The following NAV2 variants were observed in gnomAD, a reference collection of about 807,000 sequenced individuals.
NAV2 encodes neuron navigator 2.
In NAV2, 54 loss-of-function variants were observed where a neutral mutation model predicts 223.2. That is an observed-to-expected ratio of 0.24 (90% confidence interval 0.19 to 0.30). NAV2 has a LOEUF of 0.30. Ranked by LOEUF, NAV2 falls within the 10% of genes least tolerant of loss-of-function variation. NAV2 has a pLI of 1.00. For missense variants in NAV2, 2,806 were observed against 3,147.5 expected (o/e 0.89, Z 2.60); for synonymous variants, 1,279 against 1,239.3 (o/e 1.03, Z -0.67).
Position 19,832,471 on chromosome 11 carries a change from G to GC in NAV2, c.268-12dup. 1 of 1,595,856 alleles carries GC rather than the reference G, an allele frequency of 6.3e-7. No individual in the cohort carries two copies. Among genetic ancestry groups the GC allele is most frequent in the Middle Eastern group, 1.7e-4 (1 of 5,956 alleles). On this transcript the variant is annotated splice_polypyrimidine_tract_variant and intron_variant, in intron 1 of 37. Coordinates refer to ENST00000349880, the MANE Select transcript of NAV2 (RefSeq NM_145117.5). ...ACTGGCTTCCTAAAGTTGCCTGTTT[G>GC]CTTTTTTTACAGATCTACACAGACT... is the stretch of plus-strand genomic sequence containing the variant.
At chr11:19,531,438 C>G (rs2044025677) in intron 1 of NAV2, among the ~76,000 whole-genome samples, 1 of 152,232 alleles carries the variant, frequency 6.6e-6, no homozygotes, top group South Asian at 2.1e-4. Flanking sequence ...AGGTAAGAAA[C>G]AAGAAGTTCT....
intron 1 of NAV2, among the ~76,000 whole-genome samples, chr11:19,403,559 G>A (rs1271001998): frequency 6.6e-6 from 1 of 152,170 alleles, no homozygotes. Context: ...CACGATGTGG[G>A]GATCAGCAGA....
intron 20 of NAV2, among the ~76,000 whole-genome samples, chr11:20,066,430 AT>A (rs2059046320): frequency 1.3e-5 from 2 of 152,240 alleles, no homozygotes; most frequent in East Asian, 3.8e-4. Context: ...TATACAAGAC[AT>A]TTAACGTCTC....
At chr11:20,064,997 A>G (rs890311085) in intron 20 of NAV2, among the ~76,000 whole-genome samples, 2 of 152,156 alleles carry the variant, frequency 1.3e-5, no homozygotes, top group African/African-American at 4.8e-5. Flanking sequence ...TGTCCTCAGT[A>G]TGCCTTCTCT....
intron 1 of NAV2, among the ~76,000 whole-genome samples, chr11:19,644,135 G>C (rs2047750203): frequency 6.6e-6 from 1 of 152,228 alleles, no homozygotes; most frequent in African/African-American, 2.4e-5. Context: ...GGAGGGGGAT[G>C]GGGTATGTAC....
At chr11:19,807,261 C>T (rs973936773) in intron 1 of NAV2, among the ~76,000 whole-genome samples, 1 of 152,204 alleles carries the variant, frequency 6.6e-6, no homozygotes, top group Non-Finnish European at 1.5e-5. Flanking sequence ...CAAACCAAAG[C>T]TCCAAACTGG....
At chr11:19,822,303 A>T (rs866873800) in intron 1 of NAV2, among the ~76,000 whole-genome samples, 1 of 152,202 alleles carries the variant, frequency 6.6e-6, no homozygotes, top group South Asian at 2.1e-4. Context: ...GAACTAAATT[A>T]TCTGACTCTA....
At chr11:19,973,342 A>G (rs957889737) in intron 10 of NAV2, among the ~76,000 whole-genome samples, 10 of 152,180 alleles carry the variant, frequency 6.6e-5, no homozygotes, top group Non-Finnish European at 1.5e-4. Context: ...TTAATGTGAA[A>G]AGTGAGCCTG....
intron 1 of NAV2, among the ~76,000 whole-genome samples, chr11:19,401,567 C>T (rs559631481): frequency 8.5e-5 from 13 of 152,184 alleles, no homozygotes; most frequent in South Asian, 4.2e-4. Context: ...ATGTACAGAA[C>T]GATGCAGTTG....
intron 1 of NAV2, among the ~76,000 whole-genome samples, chr11:19,577,154 C>T (rs1037618045): frequency 4.6e-5 from 7 of 152,218 alleles, no homozygotes; most frequent in African/African-American, 1.7e-4. Flanking sequence ...AGCCCTATGA[C>T]GTGGGTCTAA....
intron 11 of NAV2, among the ~76,000 whole-genome samples, chr11:19,989,344 G>C (rs2051107414): frequency 6.6e-6 from 1 of 152,170 alleles, no homozygotes; most frequent in Non-Finnish European, 1.5e-5. Flanking sequence ...GAAGATGGAG[G>C]AAGAAGGCTA....
intron 16 of NAV2, 115 bp from the exon 17 acceptor site, chr11:20,051,173 TC>T (rs2057967014): frequency 2.4e-6 from 2 of 822,996 alleles, no homozygotes; most frequent in South Asian, 2.9e-5. Flanking sequence ...ATAAGGCACT[TC>T]CTGGTGATGT....
chr11:20,026,103 C>A lies in NAV2; in HGVS notation c.2769-9856C>A, dbSNP rs184149637. Among the ~76,000 whole-genome samples, 48 of 152,222 alleles carry A rather than the reference C, an allele frequency of 3.2e-4. 1 individual carries two copies. The highest frequency in any genetic ancestry group is 2.9e-3 in the Admixed American group (45 of 15,290). On this transcript the variant is annotated intron_variant, in intron 11 of 37. Transcript: ENST00000349880. Reference sequence around the variant, plus strand: ...ACCTATTTTCATTTTTTCTGCAGAGCTGTGGTCTCTCCATTTGGAGCCTCC... The same window carrying A: ...ACCTATTTTCATTTTTTCTGCAGAGATGTGGTCTCTCCATTTGGAGCCTCC...
At chr11:19,702,019 T>C (rs2049523772) in intron 1 of NAV2, among the ~76,000 whole-genome samples, 1 of 152,216 alleles carries the variant, frequency 6.6e-6, no homozygotes. Flanking sequence ...GCAGGGTTCA[T>C]TTCTGGCATC....
intron 1 of NAV2, among the ~76,000 whole-genome samples, chr11:19,472,522 C>A (rs1304492304): frequency 6.6e-6 from 1 of 152,062 alleles, no homozygotes; most frequent in Admixed American, 6.6e-5. Flanking sequence ...TGGAGTAATA[C>A]AGGGCGGGTG....
intron 1 of NAV2, among the ~76,000 whole-genome samples, chr11:19,497,965 C>T (rs942090739): frequency 3.9e-5 from 6 of 152,192 alleles, no homozygotes; most frequent in Admixed American, 2.0e-4. Flanking sequence ...ATTTTGTGCT[C>T]ACAGTAATTC....
chr11:19,750,436 C>T (rs1234601576), intron 1 of NAV2, among the ~76,000 whole-genome samples: 4 of 152,192 alleles, frequency 2.6e-5, no homozygotes, highest in African/African-American at 9.7e-5. Context: ...ATGCTTTGGC[C>T]GTTGCCAGTA....
intron 1 of NAV2, among the ~76,000 whole-genome samples, chr11:19,374,544 C>T (rs1392189843): frequency 2.0e-5 from 3 of 152,154 alleles, no homozygotes; most frequent in Non-Finnish European, 4.4e-5. Flanking sequence ...TGTTTTGATA[C>T]TTTATGTTGC....
intron 1 of NAV2, among the ~76,000 whole-genome samples, chr11:19,556,473 C>T (rs1460276889): frequency 1.3e-5 from 2 of 152,212 alleles, no homozygotes; most frequent in African/African-American, 4.8e-5. Context: ...GGAACCACAG[C>T]AGGGATCTCT....
Sources: allele counts gnomAD v4.1 joint callset (sites outside exome capture counted in the v4.1 genomes callset), GRCh38; gene constraint gnomAD v4.1.1; transcripts MANE v1.5; gene names NCBI Gene and HGNC (gene_info 2026-07-23, HGNC 2026-07-21).